NOX4: variants seen among roughly 807,000 people sequenced by gnomAD.
NOX4 encodes the protein kidney oxidase-1.
NOX4 carries 69 observed loss-of-function variants against 87.6 expected under a neutral mutation model. The ratio of observed to expected loss-of-function variants is 0.79; its 90% confidence interval spans 0.65 to 0.96. NOX4 has a LOEUF of 0.96. NOX4 is among the 40% of genes least tolerant of loss of function. The pLI, the probability that NOX4 is intolerant of heterozygous loss-of-function variation, is 0.00. For missense variants in NOX4, 680 were observed against 681.5 expected (o/e 1.00, Z 0.02); for synonymous variants, 275 against 238.2 (o/e 1.15, Z -1.42).
At chr11:89,437,347 T>C (rs317148) in intron 6 of NOX4, among the ~76,000 whole-genome samples, 87,900 of 152,058 alleles carry the variant, frequency 0.58, 27,756 homozygotes, top group African/African-American at 0.83. Flanking sequence ...ATTAGTGATA[T>C]AAAGTTGGAT....
chr11:89,446,488 T>TAA lies in NOX4; in HGVS notation c.350-2258_350-2257dup, dbSNP rs34023440. On this transcript the variant is annotated intron_variant, in intron 4 of 17. Transcript: ENST00000263317. ...ACATGTCTTTCAATAGGTGAATAGA[T>TAA]AAAAAAAAAACTGTGGTACATCCAG... Among the ~76,000 whole-genome samples the TAA allele has an allele frequency of 5.4e-5, 8 of 147,902 alleles. No individual in the cohort carries two copies. The East Asian group carries it at 5.9e-4, about 11-fold the overall frequency.
At chr11:89,426,558 G>T (rs1369418911) in intron 7 of NOX4, among the ~76,000 whole-genome samples, 1 of 152,088 alleles carries the variant, frequency 6.6e-6, no homozygotes, top group Admixed American at 6.6e-5. Context: ...TTAGCAAACG[G>T]CACACCAGGA....
intron 17 of NOX4, among the ~76,000 whole-genome samples, chr11:89,335,361 T>C (rs1945656896): frequency 6.6e-6 from 1 of 151,764 alleles, no homozygotes; most frequent in Non-Finnish European, 1.5e-5. Context: ...TTTGGAAATA[T>C]TCTAGGTTTA....
rs1945154726 is a variant in NOX4 at position 89,324,768 on chromosome 11, G to A, written c.*1988C>T. On this transcript the variant is annotated 3_prime_UTR_variant, in exon 18 of 18. Transcript: ENST00000263317. The stretch of plus-strand genomic sequence containing the variant: ...GAAAATTCTTTTTAATCTAAAGACT[G>A]TTGTCAAGACATACTAGTTATTAAA... 6.6e-6 allele frequency: 1 copy of A among 152,134 alleles called. No homozygotes were observed. 9.4% of individuals were successfully genotyped at this position (152,134 alleles called of 1,614,324 possible).
At chr11:89,427,113 A>G (rs1055952957) in intron 7 of NOX4, among the ~76,000 whole-genome samples, 2 of 152,186 alleles carry the variant, frequency 1.3e-5, no homozygotes, top group African/African-American at 2.4e-5. Context: ...GGCAAACAGC[A>G]TCTGGAGTGG....
the NOX4 span, among the ~76,000 whole-genome samples, chr11:89,555,921 C>T: frequency 6.6e-6 from 1 of 152,080 alleles, no homozygotes; most frequent in African/African-American, 2.4e-5. Context: ...TTTAGCTCAA[C>T]AAAAGAATGT....
At chr11:89,500,813 T>TA (rs1162281721), upstream of NOX4, among the ~76,000 whole-genome samples, 1 of 152,134 alleles carries the variant, frequency 6.6e-6, no homozygotes, top group Non-Finnish European at 1.5e-5. Context: ...TCTTTAATGT[T>TA]ATGAGAAATA....
At chr11:89,553,497 C>G in the NOX4 span, among the ~76,000 whole-genome samples, 1 of 152,098 alleles carries the variant, frequency 6.6e-6, no homozygotes, top group Non-Finnish European at 1.5e-5. Context: ...TTCTTTATAG[C>G]AGTGTGAAAA....
chr11:89,477,394 G>A (rs1946210205), intron 2 of NOX4, among the ~76,000 whole-genome samples: 1 of 152,040 alleles, frequency 6.6e-6, no homozygotes, highest in Admixed American at 6.6e-5. Context: ...ACAAGCAATG[G>A]GGAGCCGCCG....
chr11:89,466,471 T>C (rs1268451149), intron 2 of NOX4, among the ~76,000 whole-genome samples: 2 of 152,170 alleles, frequency 1.3e-5, no homozygotes, highest in African/African-American at 2.4e-5. Flanking sequence ...AGGCAGTATA[T>C]AGAGTTAACT....
chr11:89,493,026 T>C (rs1361996522), upstream of NOX4, among the ~76,000 whole-genome samples: 2 of 152,230 alleles, frequency 1.3e-5, no homozygotes, highest in East Asian at 3.9e-4. Flanking sequence ...TGCTACTTCA[T>C]ATACAAAATC....
the NOX4 span, among the ~76,000 whole-genome samples, chr11:89,531,757 A>T: frequency 6.6e-6 from 1 of 152,360 alleles, no homozygotes; most frequent in Admixed American, 6.5e-5. Context: ...TTTCAGAGAT[A>T]TTCACAGCAG....
At chr11:89,423,770 AG>A (rs1943217159) in intron 7 of NOX4, among the ~76,000 whole-genome samples, 1 of 151,992 alleles carries the variant, frequency 6.6e-6, no homozygotes, top group African/African-American at 2.4e-5. Context: ...ATATATATTG[AG>A]GGGTCAGGCA....
At chr11:89,447,173 A>C (rs79385475) in intron 4 of NOX4, among the ~76,000 whole-genome samples, 3,223 of 152,300 alleles carry the variant, frequency 0.021, 64 homozygotes, top group Middle Eastern at 0.051. Flanking sequence ...CAACTATGGC[A>C]CAGGTATAAA....
intron 17 of NOX4, among the ~76,000 whole-genome samples, chr11:89,334,765 C>T (rs538928211): frequency 6.6e-6 from 1 of 151,748 alleles, no homozygotes; most frequent in East Asian, 1.9e-4. Context: ...CTTATGATTA[C>T]AGGCAATTTT....
chr11:89,457,952 G>C (rs1945281170), intron 2 of NOX4, among the ~76,000 whole-genome samples: 1 of 152,026 alleles, frequency 6.6e-6, no homozygotes, highest in African/African-American at 2.4e-5. Context: ...TAAATGGGAA[G>C]AATCATTATA....
chr11:89,580,807 G>T, the NOX4 span, among the ~76,000 whole-genome samples: 8 of 152,298 alleles, frequency 5.3e-5, no homozygotes, highest in Admixed American at 3.3e-4. Context: ...GATAGGGTTT[G>T]AATGGAAATA....
intron 4 of NOX4, among the ~76,000 whole-genome samples, chr11:89,445,769 G>A (rs1346763852): frequency 2.6e-5 from 4 of 152,020 alleles, no homozygotes; most frequent in Admixed American, 6.6e-5. Flanking sequence ...ACTCCTCAAA[G>A]GATACACGGG....
chr11:89,406,099 G>A (rs1229018773), intron 8 of NOX4, among the ~76,000 whole-genome samples: 1 of 151,952 alleles, frequency 6.6e-6, no homozygotes, highest in African/African-American at 2.4e-5. Flanking sequence ...CTTTTTCATT[G>A]TATGAGTAAA....
Sources: allele counts gnomAD v4.1 joint callset (sites outside exome capture counted in the v4.1 genomes callset), GRCh38; gene constraint gnomAD v4.1.1; transcripts MANE v1.5; gene names NCBI Gene and HGNC (gene_info 2026-07-23, HGNC 2026-07-21).